The following VPS52 variants were observed in gnomAD, a reference collection of about 807,000 sequenced individuals.
VPS52 encodes VPS52 subunit of GARP complex, also known as vacuolar protein sorting-associated protein 52 homolog.
Under a neutral mutation model 98.7 loss-of-function variants are expected in VPS52, and 56 were observed. The observed-to-expected ratio is 0.57, with a 90% CI of 0.46 to 0.71. The LOEUF is 0.71. Ranked by LOEUF, VPS52 falls within the 30% of genes least tolerant of loss-of-function variation. The pLI is 0.00. For missense variants in VPS52, 742 were observed against 925.9 expected (o/e 0.80, Z 2.58); for synonymous variants, 348 against 346.4 (o/e 1.00, Z -0.05).
At chr6:33,266,409 G>T in intron 12 of VPS52, 148 bp downstream of exon 12, 1 of 1,016,346 alleles carries the variant, frequency 9.8e-7, no homozygotes, top group East Asian at 2.5e-5. Context: ...CTGGGATTAT[G>T]GGTGTGCACT....
Position 33,251,126 on chromosome 6 carries a change from G to A in VPS52, c.2026-139C>T, listed in dbSNP as rs753601482. The A allele has an allele frequency of 5.7e-6, 7 of 1,221,686 alleles. No homozygotes were observed. In the Admixed American group the frequency reaches 6.7e-5, roughly 12 times the overall value. 75.7% of individuals were successfully genotyped at this position (1,221,686 alleles called of 1,614,324 possible). On this transcript the variant is annotated intron_variant, in intron 19 of 19. Coordinates refer to ENST00000445902, the MANE Select transcript of VPS52 (RefSeq NM_022553.6). ...TGGGAGGCCATGGCGGGCAGATCAC[G>A]AGGTCAGGAATTCGAGACCAGCCTG...
In VPS52 at chr6:33,264,104, C is replaced by T; in HGVS notation, c.1525-1G>A. On this transcript the variant is annotated splice_acceptor_variant, in intron 14 of 19. Transcript: ENST00000445902. LOFTEE classifies it high-confidence loss of function. ...AGAACTCTGCATAGCGGCGTGTGATCTAGGAGAGAGTGGGAAGGAAAATCA... is the reference window on the plus strand; with the variant it reads ...AGAACTCTGCATAGCGGCGTGTGATTTAGGAGAGAGTGGGAAGGAAAATCA... 1.2e-6 allele frequency: 2 copies of T among 1,613,884 alleles called. No homozygotes were observed. The highest frequency in any genetic ancestry group is 1.1e-5 in the South Asian group (1 of 91,060).
chr6:33,255,606 A>C (rs1762841825), intron 17 of VPS52, among the ~76,000 whole-genome samples: 2 of 148,466 alleles, frequency 1.3e-5, no homozygotes, highest in South Asian at 4.2e-4. Flanking sequence ...ACATGGTGAA[A>C]CCCCCCGTCT....
At chr6:33,265,073 C>CT (rs760373159) in intron 12 of VPS52, among the ~76,000 whole-genome samples, 173 bp from the exon 13 acceptor site, 90 of 151,186 alleles carry the variant, frequency 6.0e-4, no homozygotes, top group African/African-American at 2.0e-3. Context: ...ATGTTTTTGG[C>CT]TTTTTTTTTG....
chr6:33,252,662 A>G (rs1762433246), intron 17 of VPS52, among the ~76,000 whole-genome samples: 1 of 152,152 alleles, frequency 6.6e-6, no homozygotes, highest in South Asian at 2.1e-4. Flanking sequence ...CAGACTTGAA[A>G]AAAGGAAATT....
chr6:33,263,955 C>T (rs1234489319), intron 15 of VPS52, 53 bp downstream of exon 15: 4 of 1,613,534 alleles, frequency 2.5e-6, no homozygotes, highest in East Asian at 2.2e-5. Flanking sequence ...CCTCAGACTC[C>T]ACCCACTGGA....
rs746851247 is a variant in VPS52 at position 33,251,565 on chromosome 6, C to T, written c.1978G>A (p.Val660Ile). Residue 660 changes from valine (V) to isoleucine (I), a missense_variant, in exon 19 of 20, where the codon GTA becomes ATA. Physicochemically the swap from Val to Ile is conservative, Grantham distance 29. Coordinates refer to ENST00000445902, the MANE Select transcript of VPS52 (RefSeq NM_022553.6). ...CTGAAGTTGGTGAAACTCCGCATTA[C>T]ATCCTGACTCAGAGATTCCACTGAT... ...KSSVESLSQD[V>I]MRSFTNFRNG... The T allele has an allele frequency of 1.2e-5, 20 of 1,613,878 alleles. No homozygotes were observed. Among genetic ancestry groups the T allele is most frequent in the African/African-American group, 2.7e-5 (2 of 74,864 alleles).
At chr6:33,265,096 G>C (rs764069248) in intron 12 of VPS52, among the ~76,000 whole-genome samples, 196 bp from the exon 13 acceptor site, 1 of 151,870 alleles carries the variant, frequency 6.6e-6, no homozygotes, top group Non-Finnish European at 1.5e-5. Context: ...TTTTGAGATA[G>C]AGTTTCACTC....
chr6:33,264,925 G>C (rs1206100721), intron 12 of VPS52, 25 bp from the exon 13 acceptor site: 1 of 1,573,050 alleles, frequency 6.4e-7, no homozygotes, highest in East Asian at 2.2e-5. Context: ...AACAAACAGA[G>C]GATTAAAAGA....
rs534705930 is a variant in VPS52 at position 33,266,759 on chromosome 6, A to C, written c.1126-47T>G. 2.4e-5 allele frequency: 37 copies of C among 1,561,920 alleles called. No individual in the cohort carries two copies. In the East Asian group the frequency reaches 7.2e-4, roughly 30 times the overall value. On this transcript the variant is annotated intron_variant, in intron 11 of 19. Coordinates refer to ENST00000445902, the MANE Select transcript of VPS52 (RefSeq NM_022553.6). ...AGAAAAACAGAAGGGATGGACCCCA[A>C]CACTGACTTCCCATGGATATGGCTG...
chr6:33,268,662 G>C lies in VPS52; in HGVS notation c.549-13C>G. On this transcript the variant is annotated splice_polypyrimidine_tract_variant and intron_variant, in intron 6 of 19. Transcript: ENST00000445902. The surrounding 1 kb of genome is among the most constrained non-coding windows in gnomAD (Gnocchi z 4.0). ...CTCCAGAATTGCCCTGGTTAGCAGG[G>C]AGGGGTGGGATGAGTTACAAGGGAG... The C allele has an allele frequency of 6.3e-7, 1 of 1,590,348 alleles. No homozygotes were observed. The highest frequency in any genetic ancestry group is 8.5e-7 in the Non-Finnish European group (1 of 1,173,064).
rs9280383 is a variant in VPS52, at chr6:33,255,462, C to CT, written c.1795-3492dup. 6.2e-3 allele frequency among the ~76,000 whole-genome samples: 732 copies of CT among 117,204 alleles called. 13 individuals carry two copies. Among genetic ancestry groups the CT allele is most frequent in the African/African-American group, 0.012 (357 of 29,136 alleles). 76.9% of individuals were successfully genotyped at this position (117,204 alleles called of 152,430 possible). Reference sequence around the variant, plus strand: ...TACAAATGCATGCCACTACGCCTGGCTTTTTTTTTTTTTTTTTTTTTTTTT... The same window carrying CT: ...TACAAATGCATGCCACTACGCCTGGCTTTTTTTTTTTTTTTTTTTTTTTTTT... On this transcript the variant is annotated intron_variant, in intron 17 of 19. Transcript: ENST00000445902.
chr6:33,270,332 G>T (rs1015476061), intron 1 of VPS52, 49 bp from the exon 2 acceptor site: 1 of 1,533,832 alleles, frequency 6.5e-7, no homozygotes, highest in African/African-American at 1.4e-5. Context: ...AAGACAGAAA[G>T]AAAAAATATA....
rs1581615696 is a variant in VPS52, at chr6:33,267,739, A to G, written c.934T>C (p.Tyr312His). The change falls in exon 10 of 20, where the codon TAT becomes CAT. Residue 312 changes from tyrosine to histidine, a missense_variant and splice_region_variant. Tyr to His is a moderately conservative substitution (Grantham distance 83). Around this residue, in one of 2 missense-constraint regions of VPS52, gnomAD observed 590 missense variants for 793.3 expected, o/e 0.74. Transcript: ENST00000445902. This position sits in a 1 kb window ranked among gnomAD's most constrained non-coding sequence, Gnocchi z 4.2. ...TCATCTTTCTCAGCGACTTCCTCAT[A>G]CTAAGGAAAGAGAAAAGAGAACTGA... ...SYLGRLMKVQ[Y>H]EEVAEKDDLM... 2 of 1,612,932 alleles carry G rather than the reference A, an allele frequency of 1.2e-6. No individual in the cohort carries two copies.
chr6:33,257,837 GTC>G (rs1345739793), intron 17 of VPS52, among the ~76,000 whole-genome samples: 1 of 151,936 alleles, frequency 6.6e-6, no homozygotes, highest in Non-Finnish European at 1.5e-5. Flanking sequence ...GTGAGACTCT[GTC>G]TCTACAAAAC....
intron 17 of VPS52, chr6:33,254,658 T>G (rs1334169936): frequency 3.3e-5 from 5 of 152,172 alleles, no homozygotes; most frequent in African/African-American, 4.8e-5. Flanking sequence ...AGAATAAATT[T>G]TAAGTATATC....
At chr6:33,264,937 A>G in intron 12 of VPS52, 37 bp from the exon 13 acceptor site, 1 of 1,560,248 alleles carries the variant, frequency 6.4e-7, no homozygotes, top group Non-Finnish European at 8.8e-7. Context: ...ATTAAAAGAG[A>G]ATGTCAGTTT....
At chr6:33,264,253 C>T (rs1764004282) in intron 14 of VPS52, 121 bp downstream of exon 14, 7 of 1,559,194 alleles carry the variant, frequency 4.5e-6, no homozygotes, top group Non-Finnish European at 5.2e-6. Flanking sequence ...AGTTTCACCA[C>T]CCTCCCAGAA....
intron 17 of VPS52, among the ~76,000 whole-genome samples, chr6:33,260,895 G>A (rs1385317416): frequency 6.6e-6 from 1 of 152,030 alleles, no homozygotes; most frequent in Non-Finnish European, 1.5e-5. Context: ...CAGCTACTCA[G>A]AGGCTGAGGC....
Sources: allele counts gnomAD v4.1 joint callset (sites outside exome capture counted in the v4.1 genomes callset), GRCh38; gene constraint gnomAD v4.1.1; regional missense constraint gnomAD v4.1.1; non-coding constraint Gnocchi (gnomAD v3.1); transcripts MANE v1.5; gene names NCBI Gene and HGNC (gene_info 2026-07-23, HGNC 2026-07-21).